SEMA3D: variants seen among roughly 807,000 people sequenced by gnomAD.
SEMA3D encodes the protein semaphorin 3D, also known as semaphorin-3D.
Under a neutral mutation model 100.1 loss-of-function variants are expected in SEMA3D, and 84 were observed. The ratio of observed to expected loss-of-function variants is 0.84; its 90% CI spans 0.70 to 1.01. The LOEUF (loss-of-function observed/expected upper bound fraction) is 1.01, where lower values mean the gene tolerates loss of function less well. Among genes scored for constraint, SEMA3D ranks in the 50% least tolerant of loss-of-function variants. The pLI, the probability that SEMA3D is intolerant of heterozygous loss-of-function variation, is 0.00. For synonymous variants in SEMA3D, 312 were observed against 320.7 expected (o/e 0.97, Z 0.29); for missense variants, 875 against 934.1 (o/e 0.94, Z 0.82).
the SEMA3D span, among the ~76,000 whole-genome samples, chr7:85,246,343 C>CA: frequency 6.6e-6 from 1 of 151,968 alleles, no homozygotes; most frequent in Non-Finnish European, 1.5e-5. Flanking sequence ...GTACTTCATA[C>CA]AAAAAGCTAT....
intron 18 of SEMA3D, among the ~76,000 whole-genome samples, chr7:85,003,611 A>G (rs527423344): frequency 2.5e-5 from 2 of 79,274 alleles, no homozygotes; most frequent in African/African-American, 8.7e-5. Context: ...AAATAAATGT[A>G]TATGTATAAC....
At chr7:85,028,154 A>G in intron 12 of SEMA3D, 1 of 638,022 alleles carries the variant, frequency 1.6e-6, no homozygotes, top group Non-Finnish European at 2.9e-6. Context: ...AGTATGAGAG[A>G]GACAAAAAGC....
intron 3 of SEMA3D, among the ~76,000 whole-genome samples, chr7:85,101,377 T>C (rs954140293): frequency 6.6e-6 from 1 of 152,030 alleles, no homozygotes; most frequent in African/African-American, 2.4e-5. Context: ...ATGCATTGCA[T>C]TGTTAATTAC....
chr7:85,202,062 T>A, the SEMA3D span, among the ~76,000 whole-genome samples: 1 of 151,560 alleles, frequency 6.6e-6, no homozygotes, highest in African/African-American at 2.4e-5. Context: ...ATTATTATTA[T>A]TTTTTATTAT....
chr7:85,235,436 A>G, the SEMA3D span, among the ~76,000 whole-genome samples: 1 of 152,186 alleles, frequency 6.6e-6, no homozygotes, highest in African/African-American at 2.4e-5. Flanking sequence ...GACATTACAA[A>G]AAAGATCATT....
intron 9 of SEMA3D, among the ~76,000 whole-genome samples, chr7:85,049,386 A>G (rs1297673827): frequency 6.6e-6 from 1 of 151,846 alleles, no homozygotes; most frequent in African/African-American, 2.4e-5. Flanking sequence ...AAATTATTGG[A>G]AATACAGGAC....
chr7:85,097,993 G>GTATATTTATATATACATTT (rs1788618037), intron 3 of SEMA3D, 28 bp from the exon 4 acceptor site: 1 of 1,239,378 alleles, frequency 8.1e-7, no homozygotes, highest in Non-Finnish European at 1.1e-6. Context: ...AGAAAAGAAA[G>GTATATTTATATATACATTT]GAGAAAGAAA....
At chr7:85,067,607 G>A (rs1791662990) in intron 7 of SEMA3D, among the ~76,000 whole-genome samples, 1 of 152,104 alleles carries the variant, frequency 6.6e-6, no homozygotes, top group South Asian at 2.1e-4. Flanking sequence ...GACATTCCTT[G>A]GAACAGACTT....
intron 1 of SEMA3D, among the ~76,000 whole-genome samples, chr7:85,169,770 A>T (rs886320601): frequency 6.6e-6 from 1 of 151,310 alleles, no homozygotes; most frequent in Non-Finnish European, 1.5e-5. Context: ...CTCTACTTAC[A>T]TTTTTTTTCA....
the SEMA3D span, among the ~76,000 whole-genome samples, chr7:85,232,989 A>T: frequency 6.6e-6 from 1 of 152,192 alleles, no homozygotes; most frequent in Non-Finnish European, 1.5e-5. Flanking sequence ...CTCTAGCAAC[A>T]TCACACAATC....
At chr7:85,159,936 G>A (rs1481422139) in intron 1 of SEMA3D, 1 of 984,784 alleles carries the variant, frequency 1.0e-6, no homozygotes, top group East Asian at 1.1e-4. Flanking sequence ...ACCAACTAGT[G>A]TTCAAGAAAC....
In SEMA3D at chr7:85,097,852, G is replaced by T; in HGVS notation, c.265C>A (p.His89Asn). The change falls in exon 4 of 19, where the codon CAC (histidine) becomes AAC (asparagine). Residue 89 changes from histidine (H) to asparagine (N), a missense_variant. Transcript: ENST00000284136. The part of the protein sequence containing the change: ...RGRLLLGAKD[H>N]IFLLSLVDLN... The stretch of plus-strand genomic sequence containing the variant: ...TCAACCAGACTGAGTAGAAAGATGT[G>T]GTCTTTGGCTCCCAAGAGCAGCCTG... 1 of 1,608,200 alleles carries T rather than the reference G, an allele frequency of 6.2e-7. No homozygotes were observed. The highest frequency in any genetic ancestry group is 1.3e-5 in the African/African-American group (1 of 74,784).
chr7:85,226,257 T>C, the SEMA3D span, among the ~76,000 whole-genome samples: 2,767 of 152,322 alleles, frequency 0.018, 43 homozygotes, highest in Non-Finnish European at 0.03. Context: ...GCTCATGAGT[T>C]TAGTTTCAAA....
chr7:85,241,467 G>GTGTGTATATATATATATATATA, the SEMA3D span, among the ~76,000 whole-genome samples: 20 of 91,960 alleles, frequency 2.2e-4, no homozygotes, highest in South Asian at 8.0e-4. Flanking sequence ...CTGTGTGTGT[G>GTGTGTATATATATATATATATA]TATATATATA....
At chr7:85,154,641 T>A (rs1033922819) in intron 1 of SEMA3D, among the ~76,000 whole-genome samples, 6 of 152,142 alleles carry the variant, frequency 3.9e-5, no homozygotes, top group African/African-American at 1.4e-4. Context: ...TGAAATACAG[T>A]AGAACAGATT....
intron 1 of SEMA3D, among the ~76,000 whole-genome samples, chr7:85,162,091 T>A (rs923737947): frequency 2.4e-4 from 36 of 152,092 alleles, no homozygotes; most frequent in African/African-American, 8.2e-4. Flanking sequence ...GTTTTTTTTT[T>A]TAATCTCATC....
chr7:85,040,780 T>C, intron 10 of SEMA3D, 38 bp from the exon 11 acceptor site: 1 of 952,008 alleles, frequency 1.1e-6, no homozygotes, highest in South Asian at 1.4e-5. Flanking sequence ...CTCTTATTTT[T>C]CAGTATTACA....
At chr7:85,110,100 C>A (rs1407349219) in intron 3 of SEMA3D, among the ~76,000 whole-genome samples, 1 of 151,848 alleles carries the variant, frequency 6.6e-6, no homozygotes, top group Non-Finnish European at 1.5e-5. Context: ...TCACTGTAGC[C>A]CTTAGTGATT....
intron 1 of SEMA3D, among the ~76,000 whole-genome samples, chr7:85,183,842 G>A (rs1216476180): frequency 1.3e-5 from 2 of 152,186 alleles, no homozygotes; most frequent in East Asian, 3.8e-4. Context: ...AACTACAAAA[G>A]TGAACCAATG....
Sources: allele counts gnomAD v4.1 joint callset (sites outside exome capture counted in the v4.1 genomes callset), GRCh38; gene constraint gnomAD v4.1.1; transcripts MANE v1.5; gene names NCBI Gene and HGNC (gene_info 2026-07-23, HGNC 2026-07-21).